Variants in PCNX1 observed in about 807,000 individuals in gnomAD.
The protein encoded by PCNX1 is pecanex-like protein 1.
In PCNX1, 78 loss-of-function variants were observed where a neutral mutation model predicts 242.2. The observed-to-expected ratio is 0.32, with a 90% CI of 0.27 to 0.39. PCNX1 has a LOEUF of 0.39. PCNX1 is among the 10% of genes least tolerant of loss of function. The probability of loss-of-function intolerance (pLI) is 1.00; values close to 1 mark genes in which losing one functional copy is unlikely to be tolerated. For missense variants in PCNX1, 2,581 were observed against 2,856.5 expected (o/e 0.90, Z 2.20); for synonymous variants, 1,024 against 1,032.9 (o/e 0.99, Z 0.17).
At chr14:70,996,653 C>G (rs1057089510) in intron 8 of PCNX1, among the ~76,000 whole-genome samples, 1 of 151,988 alleles carries the variant, frequency 6.6e-6, no homozygotes, top group African/African-American at 2.4e-5. Flanking sequence ...CTGTCTTGTT[C>G]TCAGAATGCA....
At chr14:70,956,392 T>A (rs1398879327) in intron 2 of PCNX1, among the ~76,000 whole-genome samples, 1 of 151,484 alleles carries the variant, frequency 6.6e-6, no homozygotes, top group African/African-American at 2.4e-5. Context: ...AAAAAATAAA[T>A]AAATAAATAA....
intron 28 of PCNX1, among the ~76,000 whole-genome samples, chr14:71,084,463 C>G (rs910899768): frequency 6.6e-6 from 1 of 152,214 alleles, no homozygotes; most frequent in Non-Finnish European, 1.5e-5. Context: ...CACCCCTTCC[C>G]CCAGGTGCTC....
chr14:71,057,678 AG>A lies in PCNX1; in HGVS notation c.4808del (p.Gly1603AlafsTer31), dbSNP rs1305221950. On this transcript the variant is annotated frameshift_variant, in exon 26 of 36. Transcript: ENST00000304743. LOFTEE classifies it high-confidence loss of function. ...LNALVHLIEI[G>X]NGLVTFQLRG... is the part of the protein sequence containing the mutation. ...ATGCATTAGTACACCTTATAGAGAT[AG>A]GCAATGGTCTGGTCACTTTTCAGCT... 1 of 1,614,006 alleles carries A rather than the reference AG, an allele frequency of 6.2e-7. No homozygotes were observed.
Position 71,102,305 on chromosome 14 carries a change from C to T in PCNX1, c.5820+85C>T, listed in dbSNP as rs567781002. On this transcript the variant is annotated intron_variant, in intron 31 of 35. Transcript: ENST00000304743. The stretch of plus-strand genomic sequence containing the variant: ...ATTTTTTTTTTTTGAGACAGAGTCT[C>T]ACTTTGGGCCCAGGCTGGAATACAG... 3.5e-6 allele frequency: 3 copies of T among 866,426 alleles called. No homozygotes were observed. In the South Asian group the frequency reaches 4.7e-5, roughly 14 times the overall value. The allele number at this position is 866,426 out of a possible 1,614,324, so 53.7% of individuals were successfully genotyped here.
intron 12 of PCNX1, 131 bp from the exon 13 acceptor site, chr14:71,023,069 A>G: frequency 1.4e-6 from 1 of 706,966 alleles, no homozygotes; most frequent in South Asian, 1.7e-5. Context: ...TCTGGAACAG[A>G]ATTATTAATA....
chr14:71,031,611 C>T, intron 16 of PCNX1: 1 of 580,700 alleles, frequency 1.7e-6, no homozygotes, highest in Non-Finnish European at 3.2e-6. Flanking sequence ...TAGACTTAGG[C>T]AGCCCAGCTC....
intron 26 of PCNX1, among the ~76,000 whole-genome samples, chr14:71,060,491 A>C (rs893326624): frequency 1.3e-5 from 2 of 152,142 alleles, no homozygotes; most frequent in African/African-American, 4.8e-5. Context: ...GTTTGATTTG[A>C]TCTTGTGTCA....
chr14:71,031,640 T>C (rs1050094830), intron 16 of PCNX1: 4 of 647,244 alleles, frequency 6.2e-6, no homozygotes, highest in Admixed American at 6.1e-5. Flanking sequence ...AACAGCTCTG[T>C]GGGTGGGACG....
At chr14:71,032,097 G>C (rs2060402998) in intron 16 of PCNX1, 1 of 612,952 alleles carries the variant, frequency 1.6e-6, no homozygotes, top group African/African-American at 1.8e-5. Flanking sequence ...CTCATGCTGA[G>C]AAAGCAGGTC....
intron 11 of PCNX1, among the ~76,000 whole-genome samples, chr14:71,017,880 A>G (rs2060000546): frequency 6.6e-6 from 1 of 152,218 alleles, no homozygotes. Flanking sequence ...AAGTACAAAG[A>G]TGTTTATGAA....
chr14:70,914,399 A>G (rs1462704228), intron 1 of PCNX1, among the ~76,000 whole-genome samples: 1 of 152,170 alleles, frequency 6.6e-6, no homozygotes, highest in Non-Finnish European at 1.5e-5. Context: ...GTATTAATTT[A>G]CAAAAAAAGC....
chr14:71,071,773 C>T (rs2061592469), intron 26 of PCNX1, among the ~76,000 whole-genome samples: 1 of 152,146 alleles, frequency 6.6e-6, no homozygotes, highest in African/African-American at 2.4e-5. Flanking sequence ...TTTGACATGC[C>T]TTCCTCACTA....
At chr14:71,014,808 T>G (rs932982773) in intron 11 of PCNX1, among the ~76,000 whole-genome samples, 1 of 152,060 alleles carries the variant, frequency 6.6e-6, no homozygotes, top group Non-Finnish European at 1.5e-5. Flanking sequence ...ACAAAAGATT[T>G]TGAAGAAATA....
At chr14:70,925,749 T>G (rs982131320) in intron 1 of PCNX1, among the ~76,000 whole-genome samples, 2 of 152,176 alleles carry the variant, frequency 1.3e-5, no homozygotes, top group African/African-American at 4.8e-5. Flanking sequence ...ATGTTCTCAT[T>G]TAATCCTCAT....
At position 70,988,628 on chromosome 14, in the gene PCNX1, G is replaced by A; in HGVS notation, c.2373G>A (p.Gln791=). The A allele has an allele frequency of 6.2e-7, 1 of 1,614,070 alleles. No homozygotes were observed. Among genetic ancestry groups the A allele is most frequent in the Non-Finnish European group, 8.5e-7 (1 of 1,179,942 alleles). Reference sequence around the variant, plus strand: ...GTGAACGCAGCACATTTAGGCGCCAGGCAGTACGGCGCCGGCACAATGCAG... The same window carrying A: ...GTGAACGCAGCACATTTAGGCGCCAAGCAGTACGGCGCCGGCACAATGCAG... ...FRRERSTFRR[Q]AVRRRHNAGS... The change falls in exon 7 of 36, where the codon CAG becomes CAA. Residue 791 remains glutamine (Q), a synonymous_variant. Coordinates refer to ENST00000304743, the MANE Select transcript of PCNX1 (RefSeq NM_014982.3).
chr14:70,918,885 T>G (rs373847338), intron 1 of PCNX1, among the ~76,000 whole-genome samples: 2 of 14,014 alleles, frequency 1.4e-4, no homozygotes, highest in African/African-American at 4.2e-4. Context: ...GGTTTTTTGG[T>G]TTTTTTTTTT....
chr14:70,934,828 G>A (rs979781112), intron 1 of PCNX1, among the ~76,000 whole-genome samples: 2 of 152,204 alleles, frequency 1.3e-5, no homozygotes, highest in African/African-American at 4.8e-5. Context: ...AAACGAAAAA[G>A]TTCTGCAGAT....
chr14:70,942,262 G>T (rs1416052339), intron 1 of PCNX1, among the ~76,000 whole-genome samples: 1 of 152,026 alleles, frequency 6.6e-6, no homozygotes, highest in Non-Finnish European at 1.5e-5. Flanking sequence ...TTACAACTAA[G>T]AATTTTAAAC....
At chr14:70,969,279 C>CT (rs1359990575) in intron 5 of PCNX1, 169 bp downstream of exon 5, 1 of 543,460 alleles carries the variant, frequency 1.8e-6, no homozygotes, top group Non-Finnish European at 3.3e-6. Flanking sequence ...GTTACACATG[C>CT]TTTTAGCTTA....
Sources: gnomAD v4.1 joint callset for allele counts (sites outside exome capture counted in the v4.1 genomes callset) on GRCh38, gnomAD v4.1.1 for gene constraint, MANE v1.5 for transcripts, NCBI Gene and HGNC (gene_info 2026-07-23, HGNC 2026-07-21) for gene names.